SPAG16: variants seen among roughly 807,000 people sequenced by gnomAD.
SPAG16 encodes sperm-associated antigen 16 protein.
SPAG16 carries 86 observed loss-of-function variants against 80.4 expected under a neutral mutation model. That is an observed-to-expected ratio of 1.07 (90% CI 0.90 to 1.28). The LOEUF (loss-of-function observed/expected upper bound fraction) is 1.28, where lower values mean the gene tolerates loss of function less well. SPAG16 is among the 50% of genes most tolerant of loss of function. SPAG16 has a pLI of 0.00. For missense variants in SPAG16, 870 were observed against 765.3 expected, an observed-to-expected ratio of 1.14 and a Z score of -1.61; for synonymous variants, 294 against 265.9, an observed-to-expected ratio of 1.11 and a Z score of -1.03.
chr2:214,136,623 T>G (rs2125518797), intron 14 of SPAG16, among the ~76,000 whole-genome samples: 1 of 152,290 alleles, frequency 6.6e-6, no homozygotes, highest in African/African-American at 2.4e-5. Flanking sequence ...AATTACAAAC[T>G]TATCCACATC....
intron 9 of SPAG16, among the ~76,000 whole-genome samples, chr2:213,458,344 G>T (rs964339077): frequency 1.3e-5 from 2 of 151,856 alleles, no homozygotes; most frequent in Admixed American, 6.6e-5. Flanking sequence ...GAGGCAGGCA[G>T]ATCAAGAGGT....
intron 15 of SPAG16, among the ~76,000 whole-genome samples, chr2:214,191,295 G>A (rs968116661): frequency 6.6e-5 from 10 of 152,152 alleles, no homozygotes; most frequent in African/African-American, 2.4e-4. Flanking sequence ...GACTCTTCCA[G>A]TGGGAGCTAT....
chr2:214,399,896 G>T (rs983499641), intron 15 of SPAG16, among the ~76,000 whole-genome samples: 3 of 152,072 alleles, frequency 2.0e-5, no homozygotes, highest in African/African-American at 7.2e-5. Flanking sequence ...CAAAGCTCCA[G>T]ATATATGGGG....
At position 213,962,409 on chromosome 2, in the gene SPAG16, G is replaced by T. The variant is rs371414923; in HGVS notation, c.1400+32264G>T. ...GGGGTTTCACCGTGTTAACCAGGAT[G>T]GTCTCCATCTCCTGATCTGCCTGCC... On this transcript the variant is annotated intron_variant, in intron 12 of 15. Transcript: ENST00000331683. 8.5e-5 allele frequency among the ~76,000 whole-genome samples: 13 copies of T among 152,200 alleles called. No individual in the cohort carries two copies. In the East Asian group the frequency reaches 1.4e-3, roughly 16 times the overall value.
intron 11 of SPAG16, among the ~76,000 whole-genome samples, chr2:213,869,299 A>ATATATGTG (rs2075855372): frequency 7.9e-6 from 1 of 127,362 alleles, no homozygotes; most frequent in Non-Finnish European, 1.8e-5. Flanking sequence ...ATATGTATAT[A>ATATATGTG]TATATATAAT....
At chr2:213,721,996 T>G (rs2066555018) in intron 10 of SPAG16, among the ~76,000 whole-genome samples, 1 of 152,218 alleles carries the variant, frequency 6.6e-6, no homozygotes, top group African/African-American at 2.4e-5. Flanking sequence ...ACGGGTAAGA[T>G]TTTCTTTCTA....
At chr2:214,289,890 T>C (rs1693664216) in intron 15 of SPAG16, among the ~76,000 whole-genome samples, 1 of 152,196 alleles carries the variant, frequency 6.6e-6, no homozygotes, top group South Asian at 2.1e-4. Context: ...TAGTTTGTTG[T>C]TGTGTCTTTG....
At chr2:214,131,888 C>A (rs540920779) in intron 14 of SPAG16, among the ~76,000 whole-genome samples, 1 of 151,986 alleles carries the variant, frequency 6.6e-6, no homozygotes, top group East Asian at 1.9e-4. Context: ...TTGTCTAAAC[C>A]CATAGAACGT....
chr2:214,382,104 A>G (rs1426552337), intron 15 of SPAG16, among the ~76,000 whole-genome samples: 3 of 152,252 alleles, frequency 2.0e-5, no homozygotes, highest in Non-Finnish European at 4.4e-5. Context: ...ATACCCCTCC[A>G]GTAACCAGAG....
intron 14 of SPAG16, among the ~76,000 whole-genome samples, chr2:214,134,122 A>C (rs1269469284): frequency 6.6e-6 from 1 of 151,796 alleles, no homozygotes; most frequent in African/African-American, 2.4e-5. Flanking sequence ...ATGACGACTC[A>C]TAGTTTCTGA....
intron 10 of SPAG16, among the ~76,000 whole-genome samples, chr2:213,830,313 C>G (rs908603972): frequency 1.3e-5 from 2 of 152,164 alleles, no homozygotes; most frequent in Non-Finnish European, 2.9e-5. Context: ...TGGTCCCTCC[C>G]TAAAGCACAC....
intron 10 of SPAG16, among the ~76,000 whole-genome samples, chr2:213,598,198 G>A (rs2060945919): frequency 6.6e-6 from 1 of 152,064 alleles, no homozygotes; most frequent in African/African-American, 2.4e-5. Context: ...GTTCTCCCCT[G>A]TACACATTAA....
intron 13 of SPAG16, among the ~76,000 whole-genome samples, chr2:214,078,599 T>A (rs1439125626): frequency 2.0e-5 from 3 of 152,012 alleles, no homozygotes; most frequent in Non-Finnish European, 4.4e-5. Context: ...TAATTGCAAT[T>A]ATCAATGCTT....
intron 15 of SPAG16, among the ~76,000 whole-genome samples, chr2:214,372,134 A>T (rs570112298): frequency 1.3e-5 from 2 of 152,266 alleles, no homozygotes; most frequent in African/African-American, 4.8e-5. Flanking sequence ...TAACAGATTC[A>T]TACAGCAATC....
At chr2:214,164,096 A>G (rs565773798) in intron 15 of SPAG16, among the ~76,000 whole-genome samples, 4 of 152,226 alleles carry the variant, frequency 2.6e-5, no homozygotes, top group Non-Finnish European at 5.9e-5. Flanking sequence ...CTTTCCCTTG[A>G]TGATCTTATT....
intron 13 of SPAG16, among the ~76,000 whole-genome samples, chr2:214,065,309 C>T (rs1460943507): frequency 1.3e-5 from 2 of 151,986 alleles, no homozygotes; most frequent in African/African-American, 4.8e-5. Context: ...GGGATTTTGA[C>T]CTCAAATCGA....
intron 12 of SPAG16, among the ~76,000 whole-genome samples, chr2:213,999,490 G>A (rs952264671): frequency 6.6e-6 from 1 of 152,228 alleles, no homozygotes; most frequent in African/African-American, 2.4e-5. Flanking sequence ...CAGGGGCAGG[G>A]TGCTCATGAA....
intron 10 of SPAG16, among the ~76,000 whole-genome samples, chr2:213,564,095 G>A (rs2059682957): frequency 6.6e-6 from 1 of 152,110 alleles, no homozygotes; most frequent in African/African-American, 2.4e-5. Flanking sequence ...ATCTATTTTT[G>A]CCATTTTATC....
At chr2:213,425,529 G>A (rs1317204122) in intron 9 of SPAG16, among the ~76,000 whole-genome samples, 2 of 151,672 alleles carry the variant, frequency 1.3e-5, no homozygotes, top group African/African-American at 2.4e-5. Flanking sequence ...GCATGTGCCT[G>A]TAATCCCAGC....
Sources: gnomAD v4.1 joint callset for allele counts (sites outside exome capture counted in the v4.1 genomes callset) on GRCh38, gnomAD v4.1.1 for gene constraint, MANE v1.5 for transcripts, NCBI Gene and HGNC (gene_info 2026-07-23, HGNC 2026-07-21) for gene names.